The following ASTN1 variants were observed in gnomAD, a reference collection of about 807,000 sequenced individuals.
The protein encoded by ASTN1 is astrotactin 1, also known as astrotactin-1.
Under a neutral mutation model 140.7 loss-of-function variants are expected in ASTN1, and 41 were observed. That is an observed-to-expected ratio of 0.29 (90% confidence interval 0.23 to 0.38). The LOEUF (loss-of-function observed/expected upper bound fraction) is 0.38, where lower values mean the gene tolerates loss of function less well. Among genes scored for constraint, ASTN1 ranks in the 10% least tolerant of loss-of-function variants. The pLI is 1.00. For synonymous variants in ASTN1, 640 were observed against 652.2 expected, an observed-to-expected ratio of 0.98 and a Z score of 0.29; for missense variants, 1,479 against 1,678.8, an observed-to-expected ratio of 0.88 and a Z score of 2.08.
At chr1:177,020,239 G>A (rs759798055) in intron 7 of ASTN1, among the ~76,000 whole-genome samples, 2 of 152,142 alleles carry the variant, frequency 1.3e-5, no homozygotes, top group Non-Finnish European at 2.9e-5. Context: ...TACAGTAAAA[G>A]CATACCACAA....
intron 1 of ASTN1, among the ~76,000 whole-genome samples, chr1:177,077,655 A>G (rs1678980923): frequency 6.6e-6 from 1 of 152,212 alleles, no homozygotes; most frequent in Admixed American, 6.5e-5. Context: ...AAGCTGCCAG[A>G]CAACTTCAGG....
chr1:177,148,896 G>A (rs1682842342), intron 1 of ASTN1, among the ~76,000 whole-genome samples: 1 of 151,178 alleles, frequency 6.6e-6, no homozygotes, highest in Admixed American at 6.6e-5. Context: ...TGGTGAGAGG[G>A]TACACAAGTA....
intron 8 of ASTN1, among the ~76,000 whole-genome samples, chr1:176,991,435 CCA>C (rs1558014981): frequency 3.5e-4 from 2 of 5,696 alleles, no homozygotes; most frequent in Non-Finnish European, 8.9e-4. Context: ...AAAAAAAAAA[CCA>C]AAAAAAAAAA....
chr1:176,950,415 C>G (rs141367291), intron 11 of ASTN1, among the ~76,000 whole-genome samples: 6 of 152,308 alleles, frequency 3.9e-5, no homozygotes, highest in African/African-American at 1.4e-4. Context: ...CCACACTTAA[C>G]CGTTTACACA....
chr1:176,922,665 C>A (rs1458738374), intron 16 of ASTN1, among the ~76,000 whole-genome samples: 5 of 151,146 alleles, frequency 3.3e-5, no homozygotes, highest in Admixed American at 6.6e-5. Flanking sequence ...ACATGGTTGG[C>A]AAAGGAGGTG....
chr1:177,038,138 A>T (rs2101988267), intron 2 of ASTN1, among the ~76,000 whole-genome samples: 1 of 152,312 alleles, frequency 6.6e-6, no homozygotes, highest in South Asian at 2.1e-4. Context: ...TCTGACCTGT[A>T]TATTCATCCT....
chr1:177,048,107 GA>G (rs1677336553), intron 2 of ASTN1, among the ~76,000 whole-genome samples: 1 of 152,134 alleles, frequency 6.6e-6, no homozygotes, highest in South Asian at 2.1e-4. Context: ...AGGTGAAAAC[GA>G]ACTTCAGAAT....
chr1:176,992,357 T>C (rs767477222), intron 8 of ASTN1, among the ~76,000 whole-genome samples: 2 of 151,746 alleles, frequency 1.3e-5, no homozygotes, highest in Non-Finnish European at 2.9e-5. Flanking sequence ...AATTCAAGTC[T>C]GGAGGAGATG....
intron 9 of ASTN1, among the ~76,000 whole-genome samples, chr1:176,962,366 A>T (rs1324787919): frequency 6.6e-6 from 1 of 152,228 alleles, no homozygotes; most frequent in Non-Finnish European, 1.5e-5. Flanking sequence ...TAGGTTGAAC[A>T]TCAAGGTCTT....
At chr1:176,908,785 C>G (rs1351792346) in intron 16 of ASTN1, among the ~76,000 whole-genome samples, 1 of 152,024 alleles carries the variant, frequency 6.6e-6, no homozygotes, top group African/African-American at 2.4e-5. Context: ...TCACCTAGTA[C>G]AGTCTTGGCA....
At chr1:177,047,834 T>C (rs1352902272) in intron 2 of ASTN1, among the ~76,000 whole-genome samples, 1 of 152,186 alleles carries the variant, frequency 6.6e-6, no homozygotes, top group African/African-American at 2.4e-5. Context: ...TAAGAATGAA[T>C]GGGAAGACTG....
chr1:177,056,634 G>T (rs1677821563), intron 2 of ASTN1, among the ~76,000 whole-genome samples: 1 of 151,142 alleles, frequency 6.6e-6, no homozygotes, highest in African/African-American at 2.4e-5. Flanking sequence ...TGTGAAAAAT[G>T]TACTTAACCA....
intron 8 of ASTN1, among the ~76,000 whole-genome samples, chr1:177,006,229 C>A (rs976747602): frequency 2.6e-5 from 4 of 152,064 alleles, no homozygotes; most frequent in African/African-American, 9.7e-5. Flanking sequence ...CTTCTTTATA[C>A]GTTACCCTAT....
At chr1:176,903,444 C>T (rs1333889313) in intron 16 of ASTN1, among the ~76,000 whole-genome samples, 2 of 152,228 alleles carry the variant, frequency 1.3e-5, no homozygotes, top group African/African-American at 4.8e-5. Flanking sequence ...GTCCCACTCA[C>T]TCCCAGGGCG....
chr1:177,019,968 T>C lies in ASTN1; in HGVS notation c.1438+3436A>G, dbSNP rs772862542. Among the ~76,000 whole-genome samples, 20 of 152,214 alleles carry C rather than the reference T, an allele frequency of 1.3e-4. 1 individual carries two copies. The highest frequency in any genetic ancestry group is 1.2e-3 in the Admixed American group (19 of 15,280). ...GGTGCAATCTCGGCTCACTGCAGCCTCGACCTCCCAGACTCAGGCAATCCT... is the reference window on the plus strand; with the variant it reads ...GGTGCAATCTCGGCTCACTGCAGCCCCGACCTCCCAGACTCAGGCAATCCT... On this transcript the variant is annotated intron_variant, in intron 7 of 22. Transcript: ENST00000361833.
chr1:177,018,969 G>C (rs547064856), intron 7 of ASTN1, among the ~76,000 whole-genome samples: 1 of 152,172 alleles, frequency 6.6e-6, no homozygotes, highest in African/African-American at 2.4e-5. Flanking sequence ...AGAATGTCAG[G>C]GTGCAGTTGG....
intron 8 of ASTN1, among the ~76,000 whole-genome samples, chr1:176,988,897 T>G (rs962713851): frequency 6.6e-6 from 1 of 152,196 alleles, no homozygotes; most frequent in Non-Finnish European, 1.5e-5. Context: ...TCTATTCAGA[T>G]GAGGCTAAAA....
At chr1:177,061,724 A>G (rs1007340534) in intron 1 of ASTN1, among the ~76,000 whole-genome samples, 2 of 152,202 alleles carry the variant, frequency 1.3e-5, no homozygotes, top group Non-Finnish European at 2.9e-5. Context: ...GACAACTGGC[A>G]TTTATGGAAT....
At chr1:177,124,519 C>A (rs768338420) in intron 1 of ASTN1, among the ~76,000 whole-genome samples, 1 of 152,130 alleles carries the variant, frequency 6.6e-6, no homozygotes, top group Non-Finnish European at 1.5e-5. Context: ...TGGCTAAACA[C>A]TGTATCATCT....
Sources: gnomAD v4.1 joint callset for allele counts (sites outside exome capture counted in the v4.1 genomes callset) on GRCh38, gnomAD v4.1.1 for gene constraint, MANE v1.5 for transcripts, NCBI Gene and HGNC (gene_info 2026-07-23, HGNC 2026-07-21) for gene names.